The following CCDC9 variants were observed in gnomAD, a reference collection of about 807,000 sequenced individuals.
CCDC9 encodes coiled-coil domain containing 9, also known as coiled-coil domain-containing protein 9.
In CCDC9, 52 loss-of-function variants were observed where a neutral mutation model predicts 65.6. The ratio of observed to expected loss-of-function variants is 0.79; its 90% CI spans 0.63 to 1.00. The LOEUF (loss-of-function observed/expected upper bound fraction) is 1.00. Among genes scored for constraint, CCDC9 ranks in the 50% least tolerant of loss-of-function variants. CCDC9 has a pLI of 0.00. For missense variants in CCDC9, 834 were observed against 757.2 expected (o/e 1.10, Z -1.19); for synonymous variants, 332 against 280.3 (o/e 1.18, Z -1.84).
Position 47,271,763 on chromosome 19 carries a change from G to C in CCDC9, c.*85G>C, listed in dbSNP as rs55857523. ...CGCGCGCGCGCGCGCGCGCGCGCTA[G>C]AGGGGTGTGGCTGGTGGGGGACCCT... On this transcript the variant is annotated 3_prime_UTR_variant, in exon 12 of 12. Coordinates refer to ENST00000221922, the MANE Select transcript of CCDC9 (RefSeq NM_015603.3). 1,728 of 1,469,482 alleles carry C rather than the reference G, an allele frequency of 1.2e-3. 22 individuals are homozygous for C. The African/African-American group carries it at 0.016, about 13-fold the overall frequency. 91.0% of individuals were successfully genotyped at this position (1,469,482 alleles called of 1,614,324 possible).
chr19:47,273,076 C>T (rs947509762), downstream of CCDC9, among the ~76,000 whole-genome samples: 1 of 151,590 alleles, frequency 6.6e-6, no homozygotes, highest in East Asian at 1.9e-4. Flanking sequence ...TTGGGTGGCG[C>T]GGGGGCCCAG....
chr19:47,258,726 C>G (rs2059027092), intron 3 of CCDC9, 63 bp downstream of exon 3: 11 of 1,236,500 alleles, frequency 8.9e-6, no homozygotes, highest in Admixed American at 3.4e-5. Context: ...TTTTTCTCAC[C>G]TCTCCCTTCC....
At chr19:47,273,048 A>AG (rs2059133244), downstream of CCDC9, among the ~76,000 whole-genome samples, 1 of 131,216 alleles carries the variant, frequency 7.6e-6, no homozygotes, top group East Asian at 2.6e-4. Flanking sequence ...CGGGGGTGGG[A>AG]GAGGACAGTT....
At position 47,271,755 on chromosome 19, in the gene CCDC9, G is replaced by T. The variant is rs1343411777; in HGVS notation, c.*77G>T. ...TGTGCGCGCGCGCGCGCGCGCGCGC[G>T]CGCGCTAGAGGGGTGTGGCTGGTGG... On this transcript the variant is annotated 3_prime_UTR_variant, in exon 12 of 12. Transcript: ENST00000221922. The T allele has an allele frequency of 4.4e-6, 6 of 1,363,404 alleles. No individual in the cohort carries two copies. Among genetic ancestry groups the T allele is most frequent in the South Asian group, 1.5e-5 (1 of 68,060 alleles). 84.5% of individuals were successfully genotyped at this position (1,363,404 alleles called of 1,614,324 possible). A position where few individuals can be genotyped will look rare whatever the true frequency, so the allele number is the denominator to read the frequency against.
intron 3 of CCDC9, among the ~76,000 whole-genome samples, chr19:47,259,249 A>G (rs1480298149): frequency 6.6e-6 from 1 of 152,152 alleles, no homozygotes; most frequent in Non-Finnish European, 1.5e-5. Context: ...GCAGGTCAGC[A>G]GGGGCCAGGC....
At chr19:47,274,096 AC>A (rs1205639291), downstream of CCDC9, 3 of 533,492 alleles carry the variant, frequency 5.6e-6, no homozygotes, top group African/African-American at 6.2e-5. Context: ...CCTAGTCTGG[AC>A]CCCTTGGCTC....
Position 47,271,680 on chromosome 19 carries a change from G to T in CCDC9, c.*2G>T. ...GCCTGGCCTTTTGAGAGTGTATGAA[G>T]CTGGCTGCCTGTGTGTGTGTGTGTG... On this transcript the variant is annotated 3_prime_UTR_variant, in exon 12 of 12. Coordinates refer to ENST00000221922, the MANE Select transcript of CCDC9 (RefSeq NM_015603.3). The T allele has an allele frequency of 6.4e-7, 1 of 1,555,806 alleles. No homozygotes were observed. The highest frequency in any genetic ancestry group is 8.7e-7 in the Non-Finnish European group (1 of 1,150,180).
At position 47,267,090 on chromosome 19, in the gene CCDC9, G is replaced by A. The variant is rs867504858; in HGVS notation, c.902+298G>A. 9.3e-5 allele frequency among the ~76,000 whole-genome samples: 14 copies of A among 151,322 alleles called. No individual in the cohort carries two copies. In the South Asian group the frequency reaches 1.9e-3, roughly 20 times the overall value. ...CACCACTCTCCTGCCTCAGCCTCCC[G>A]AATAGCTGGGACTACAGGCGTCCGC... On this transcript the variant is annotated intron_variant, in intron 8 of 11. Transcript: ENST00000221922.
At chr19:47,263,781 G>A (rs1264912309) in intron 5 of CCDC9, among the ~76,000 whole-genome samples, 2 of 151,810 alleles carry the variant, frequency 1.3e-5, no homozygotes, top group Non-Finnish European at 2.9e-5. Context: ...GGCCAGGCTG[G>A]TCTCGAACTC....
intron 4 of CCDC9, 22 bp downstream of exon 4, chr19:47,260,444 G>A (rs1329794728): frequency 6.2e-7 from 1 of 1,608,600 alleles, no homozygotes; most frequent in East Asian, 2.2e-5. Context: ...ACTGGGGTGT[G>A]GGACCCTGAG....
intron 4 of CCDC9, 58 bp from the exon 5 acceptor site, chr19:47,260,530 C>A: frequency 1.3e-6 from 2 of 1,573,850 alleles, no homozygotes; most frequent in Non-Finnish European, 1.7e-6. Context: ...TGGCCTCCAT[C>A]CTGGCCGCAT....
intron 5 of CCDC9, among the ~76,000 whole-genome samples, chr19:47,263,622 G>A (rs1423698691): frequency 6.6e-6 from 1 of 152,156 alleles, no homozygotes; most frequent in Non-Finnish European, 1.5e-5. Context: ...CTGGAGTGCA[G>A]TGGTATGATT....
In CCDC9 at chr19:47,271,138, C is replaced by A; in HGVS notation, c.1142C>A (p.Thr381Asn). 6.3e-7 allele frequency: 1 copy of A among 1,585,598 alleles called. No homozygotes were observed. The highest frequency in any genetic ancestry group is 2.3e-5 in the East Asian group (1 of 43,872). Residue 381 changes from threonine to asparagine, a missense_variant, in exon 11 of 12, where the codon ACT (threonine) becomes AAT (asparagine). Physicochemically the swap from Thr to Asn is moderately conservative, Grantham distance 65. Transcript: ENST00000221922. The part of the protein sequence containing the change: ...KEGAASPAPE[T>N]PQPTSPETSP... ...GGGGCAGCATCCCCAGCCCCTGAGA[C>A]TCCACAGCCTACTTCCCCCGAGACT...
chr19:47,274,226 G>GA (rs1340879624), downstream of CCDC9, among the ~76,000 whole-genome samples: 1 of 152,140 alleles, frequency 6.6e-6, no homozygotes, highest in Non-Finnish European at 1.5e-5. Flanking sequence ...AGCGGGCTGA[G>GA]AGTGTGCTGG....
rs2059125144 is a variant in CCDC9 at position 47,271,753 on chromosome 19, G to GCA, written c.*76_*77insAC. On this transcript the variant is annotated 3_prime_UTR_variant, in exon 12 of 12. Coordinates refer to ENST00000221922, the MANE Select transcript of CCDC9 (RefSeq NM_015603.3). ...TGTGTGCGCGCGCGCGCGCGCGCGC[G>GCA]CGCGCGCTAGAGGGGTGTGGCTGGT... is the stretch of plus-strand genomic sequence containing the variant. The GCA allele has an allele frequency of 5.8e-6, 8 of 1,389,266 alleles. No individual in the cohort carries two copies. The highest frequency in any genetic ancestry group is 4.3e-5 in the South Asian group (3 of 69,176). The allele number at this position is 1,389,266 out of a possible 1,614,324, so 86.1% of individuals were successfully genotyped here.
rs35119724 is a variant in CCDC9 at position 47,271,449 on chromosome 19, C to G, written c.1367C>G (p.Ala456Gly). ...PAQDHQAPEA[A>G]PTGIPCSEQA... ...CAAGACCACCAAGCCCCAGAGGCTG[C>G]CCCCACCGGGATCCCCTGCAGTGAG... The change falls in exon 12 of 12, where the codon GCC becomes GGC. Residue 456 changes from alanine to glycine, a missense_variant. Coordinates refer to ENST00000221922, the MANE Select transcript of CCDC9 (RefSeq NM_015603.3). The G allele has an allele frequency of 3.1e-6, 5 of 1,613,436 alleles. No individual in the cohort carries two copies. The African/African-American group carries it at 4.0e-5, about 13-fold the overall frequency.
At position 47,258,334 on chromosome 19, in the gene CCDC9, C is replaced by T. The variant is rs2059024275; in HGVS notation, c.-67C>T. 2.5e-6 allele frequency: 4 copies of T among 1,578,354 alleles called. No individual in the cohort carries two copies. Among genetic ancestry groups the T allele is most frequent in the Middle Eastern group, 3.3e-4 (2 of 5,992 alleles). On this transcript the variant is annotated 5_prime_UTR_variant, in exon 2 of 12. Coordinates refer to ENST00000221922, the MANE Select transcript of CCDC9 (RefSeq NM_015603.3). ...TTTTTTTCCCTCTGTCCCCAGGAAC[C>T]CTCAGTGCTGCGTCTAGATTCTGCA...
chr19:47,260,772 G>T lies in CCDC9; in HGVS notation c.395G>T (p.Gly132Val), dbSNP rs749356459. Residue 132 changes from glycine to valine, a missense_variant, in exon 5 of 12, where the codon GGC (glycine) becomes GTC (valine). Coordinates refer to ENST00000221922, the MANE Select transcript of CCDC9 (RefSeq NM_015603.3). ...GGGAGGRGRR[G>V]RGRGSPHLSG... ...GGAGCTGGGGGCCGTGGCCGGAGGG[G>T]CCGGGGCCGAGGTTCACCTCACCTC... 3.1e-6 allele frequency: 5 copies of T among 1,612,346 alleles called. No homozygotes were observed. The highest frequency in any genetic ancestry group is 1.7e-5 in the Admixed American group (1 of 59,524).
At chr19:47,274,931 C>T, downstream of CCDC9, 9 of 1,333,148 alleles carry the variant, frequency 6.8e-6, no homozygotes, top group South Asian at 7.9e-5. Flanking sequence ...TGCGGGGGAC[C>T]AGCTGCGTGG....
Sources: gnomAD v4.1 joint callset for allele counts (sites outside exome capture counted in the v4.1 genomes callset) on GRCh38, gnomAD v4.1.1 for gene constraint, MANE v1.5 for transcripts, NCBI Gene and HGNC (gene_info 2026-07-23, HGNC 2026-07-21) for gene names.